The following EIF3B variants were observed in gnomAD, a reference collection of about 807,000 sequenced individuals.
The protein encoded by EIF3B is eukaryotic translation initiation factor 3 subunit 9.
EIF3B carries 10 observed loss-of-function variants against 104.6 expected under a neutral mutation model. The observed-to-expected ratio is 0.10, with a 90% CI of 0.06 to 0.16. EIF3B has a LOEUF of 0.16. Among genes scored for constraint, EIF3B ranks in the 10% least tolerant of loss-of-function variants. EIF3B has a pLI of 1.00. For missense variants in EIF3B, 1,014 were observed against 1,087.9 expected, an observed-to-expected ratio of 0.93 and a Z score of 0.96; for synonymous variants, 542 against 417.2, an observed-to-expected ratio of 1.30 and a Z score of -3.65.
upstream of EIF3B, chr7:2,354,759 G>A (rs919415943): frequency 1.9e-5 from 11 of 575,014 alleles, no homozygotes; most frequent in South Asian, 8.0e-5. Context: ...AGGGTCGTTC[G>A]TGAGGCCCCA....
chr7:2,372,631 T>C lies in EIF3B; in HGVS notation c.1688-42T>C, dbSNP rs1340348255. The C allele has an allele frequency of 5.0e-6, 8 of 1,605,170 alleles. No homozygotes were observed. The East Asian group carries it at 1.8e-4, about 36-fold the overall frequency. On this transcript the variant is annotated intron_variant, in intron 11 of 18. Coordinates refer to ENST00000360876, the MANE Select transcript of EIF3B (RefSeq NM_001037283.2). ...TTAACTGATCAAGAGCACTATGTTCTGAATTGACCAAAAAGGGAGGGGTCT... is the reference window on the plus strand; with the variant it reads ...TTAACTGATCAAGAGCACTATGTTCCGAATTGACCAAAAAGGGAGGGGTCT...
At position 2,375,444 on chromosome 7, in the gene EIF3B, G is replaced by A. The variant is rs778618845; in HGVS notation, c.1945G>A (p.Ala649Thr). The stretch of plus-strand genomic sequence containing the variant: ...TTCGGACTGCACGGTCATGAACATC[G>A]CAGAGCACTACATGGCTTCCGACGT... ...DTSDCTVMNI[A>T]EHYMASDVEW... Residue 649 changes from alanine to threonine, a missense_variant, in exon 14 of 19, where the codon GCA becomes ACA. Transcript: ENST00000360876. 7.4e-6 allele frequency: 12 copies of A among 1,614,094 alleles called. No individual in the cohort carries two copies. The highest frequency in any genetic ancestry group is 1.3e-5 in the African/African-American group (1 of 74,940).
intron 6 of EIF3B, among the ~76,000 whole-genome samples, chr7:2,365,658 TG>T (rs1447371900): frequency 5.0e-4 from 50 of 99,774 alleles, no homozygotes; most frequent in African/African-American, 3.3e-3. Flanking sequence ...TTTTTTTGTT[TG>T]TTTGTTTGTT....
intron 6 of EIF3B, among the ~76,000 whole-genome samples, chr7:2,366,022 G>A (rs1044598142): frequency 2.0e-5 from 3 of 152,128 alleles, no homozygotes; most frequent in Admixed American, 2.0e-4. Flanking sequence ...TTAAACATGG[G>A]TAAAGATAGA....
intron 18 of EIF3B, 156 bp downstream of exon 18, chr7:2,379,667 A>G (rs886083605): frequency 4.8e-6 from 3 of 621,810 alleles, no homozygotes; most frequent in Non-Finnish European, 8.5e-6. Flanking sequence ...TGTGAAATGT[A>G]GAGTCGGTGC....
chr7:2,366,669 G>T lies in EIF3B; in HGVS notation c.1356+78G>T, dbSNP rs1033638900. On this transcript the variant is annotated intron_variant, in intron 8 of 18. Coordinates refer to ENST00000360876, the MANE Select transcript of EIF3B (RefSeq NM_001037283.2). ...GGGTGTGGTGCCTTTCCTTATTTGTGCTAGAAGAGGAGGAGGAGGTTTCAC... is the reference window on the plus strand; with the variant it reads ...GGGTGTGGTGCCTTTCCTTATTTGTTCTAGAAGAGGAGGAGGAGGTTTCAC... 2.6e-6 allele frequency: 4 copies of T among 1,528,086 alleles called. No homozygotes were observed. The Admixed American group carries it at 5.2e-5, about 20-fold the overall frequency. The allele number at this position is 1,528,086 out of a possible 1,614,324, so 94.7% of individuals were successfully genotyped here.
chr7:2,361,640 C>T (rs372645202), intron 2 of EIF3B, among the ~76,000 whole-genome samples: 2 of 152,004 alleles, frequency 1.3e-5, no homozygotes, highest in Non-Finnish European at 2.9e-5. Context: ...AGAATGGTCT[C>T]GATCTCCTGA....
intron 18 of EIF3B, 77 bp downstream of exon 18, chr7:2,379,588 GC>G: frequency 1.1e-6 from 1 of 932,876 alleles, no homozygotes; most frequent in Non-Finnish European, 1.7e-6. Flanking sequence ...CACTGAGGAA[GC>G]ACCTCCTTTA....
At chr7:2,374,957 T>TA in intron 13 of EIF3B, 1 of 300,726 alleles carries the variant, frequency 3.3e-6, no homozygotes, top group Non-Finnish European at 6.2e-6. Context: ...GGGTATTCGT[T>TA]ACACAGCTGT....
At chr7:2,359,246 C>G (rs562121450) in intron 1 of EIF3B, among the ~76,000 whole-genome samples, 203 of 152,264 alleles carry the variant, frequency 1.3e-3, no homozygotes, top group Admixed American at 5.4e-3. Context: ...TGGTAAGTGT[C>G]TTTTTGTAGA....
chr7:2,370,924 G>A (rs148838349), intron 10 of EIF3B, among the ~76,000 whole-genome samples: 2 of 152,128 alleles, frequency 1.3e-5, no homozygotes, highest in African/African-American at 2.4e-5. Flanking sequence ...TTAGCCAGGC[G>A]TGGTGGCGGG....
In EIF3B at chr7:2,355,168, T is replaced by TCGCCCTCGC; in HGVS notation, c.252_260dup (p.Ser85_Pro87dup). On this transcript the variant is annotated inframe_insertion, in exon 1 of 19. Coordinates refer to ENST00000360876, the MANE Select transcript of EIF3B (RefSeq NM_001037283.2). Reference sequence around the variant, plus strand: ...AGAGGCGGCCTCCGGCCCGTCCGAGTCGCCCTCGCCGCCGGCCGCCGAGGA... The same window carrying TCGCCCTCGC: ...AGAGGCGGCCTCCGGCCCGTCCGAGTCGCCCTCGCCGCCCTCGCCGCCGGCCGCCGAGGA... 1 of 1,454,524 alleles carries TCGCCCTCGC rather than the reference T, an allele frequency of 6.9e-7. No homozygotes were observed. Among genetic ancestry groups the TCGCCCTCGC allele is most frequent in the Non-Finnish European group, 9.0e-7 (1 of 1,113,166 alleles). The allele number at this position is 1,454,524 out of a possible 1,614,324, so 90.1% of individuals were successfully genotyped here.
intron 1 of EIF3B, among the ~76,000 whole-genome samples, chr7:2,358,844 A>G (rs946190713): frequency 6.6e-6 from 1 of 152,144 alleles, no homozygotes; most frequent in African/African-American, 2.4e-5. Flanking sequence ...CTAAATTCTG[A>G]CACGTGATGC....
At position 2,374,622 on chromosome 7, in the gene EIF3B, C is replaced by G. The variant is rs1449654707; in HGVS notation, c.1889+16C>G. On this transcript the variant is annotated intron_variant, in intron 13 of 18. Coordinates refer to ENST00000360876, the MANE Select transcript of EIF3B (RefSeq NM_001037283.2). ...GCCTGAGGAGGTAGGTGTCTGCGCT[C>G]TGAGCCTGTCCGCCCTGTGAGTAGC... 5 of 1,612,286 alleles carry G rather than the reference C, an allele frequency of 3.1e-6. No individual in the cohort carries two copies. The highest frequency in any genetic ancestry group is 2.7e-5 in the African/African-American group (2 of 74,922).
chr7:2,356,632 A>G (rs1268034560), intron 1 of EIF3B, among the ~76,000 whole-genome samples: 7 of 151,056 alleles, frequency 4.6e-5, no homozygotes, highest in South Asian at 2.1e-4. Flanking sequence ...AAAGAAAAAA[A>G]GGTTATCAGA....
In EIF3B at chr7:2,366,467, C is replaced by G. The variant is rs376357368; in HGVS notation, c.1289+19C>G. ...TTTTTAAGTAAGTGGACCATTGTAA[C>G]GAGCTCTGTAGCCTTTGTCTTTTCA... On this transcript the variant is annotated intron_variant, in intron 7 of 18. Coordinates refer to ENST00000360876, the MANE Select transcript of EIF3B (RefSeq NM_001037283.2). 4.3e-6 allele frequency: 7 copies of G among 1,613,884 alleles called. No homozygotes were observed. Among genetic ancestry groups the G allele is most frequent in the Admixed American group, 1.7e-5 (1 of 59,966 alleles).
At chr7:2,371,920 C>A (rs942782930) in intron 11 of EIF3B, 71 bp downstream of exon 11, 20 of 1,223,826 alleles carry the variant, frequency 1.6e-5, no homozygotes, top group Non-Finnish European at 2.1e-5. Context: ...TTTAACACTT[C>A]CATGCGAGGG....
At chr7:2,377,499 ATGCTGTGTTGTGTG>A (rs1562492446) in intron 15 of EIF3B, among the ~76,000 whole-genome samples, 2 of 139,918 alleles carry the variant, frequency 1.4e-5, no homozygotes, top group African/African-American at 5.4e-5. Flanking sequence ...CGCTCCTGGG[ATGCTGTGTTGTGTG>A]AATGACCCTG....
chr7:2,359,972 G>C (rs1459551679), intron 1 of EIF3B, among the ~76,000 whole-genome samples: 2 of 152,138 alleles, frequency 1.3e-5, no homozygotes, highest in African/African-American at 4.8e-5. Flanking sequence ...AAGGAATATT[G>C]GGTAAAGATT....
Sources: allele counts gnomAD v4.1 joint callset (sites outside exome capture counted in the v4.1 genomes callset), GRCh38; gene constraint gnomAD v4.1.1; transcripts MANE v1.5; gene names NCBI Gene and HGNC (gene_info 2026-07-23, HGNC 2026-07-21).